Variants in SECISBP2 observed in about 807,000 individuals in gnomAD.
The protein encoded by SECISBP2 is selenocysteine insertion sequence-binding protein 2.
Under a neutral mutation model 98.2 loss-of-function variants are expected in SECISBP2, and 96 were observed. The observed-to-expected ratio is 0.98, with a 90% confidence interval of 0.83 to 1.16. SECISBP2 has a LOEUF of 1.16. Ranked by LOEUF, SECISBP2 falls within the 50% of genes most tolerant of loss-of-function variation. The pLI is 0.00. For missense variants in SECISBP2, 1,046 were observed against 1,022.9 expected (o/e 1.02, Z -0.31); for synonymous variants, 407 against 370.2 (o/e 1.10, Z -1.14).
intron 2 of SECISBP2, chr9:89,323,445 A>C (rs760931822): frequency 6.5e-6 from 1 of 152,830 alleles, no homozygotes; most frequent in Non-Finnish European, 1.5e-5. Flanking sequence ...AGGCGAGCAA[A>C]GTCCAGGCCA....
downstream of SECISBP2, chr9:89,364,388 C>A: frequency 3.7e-6 from 1 of 273,140 alleles, no homozygotes; most frequent in Non-Finnish European, 7.3e-6. Context: ...AGGCCCAGAG[C>A]TCGGCCAGCT....
At chr9:89,321,414 C>T (rs895757833) in intron 2 of SECISBP2, among the ~76,000 whole-genome samples, 2 of 152,198 alleles carry the variant, frequency 1.3e-5, no homozygotes, top group African/African-American at 4.8e-5. Flanking sequence ...TGCCTGTAAT[C>T]CCAGCACTTT....
chr9:89,365,118 A>G, the SECISBP2 span: 2 of 152,316 alleles, frequency 1.3e-5, no homozygotes, highest in Non-Finnish European at 2.9e-5. Context: ...TGCTTCGCAC[A>G]CTGGCTTCCA....
At chr9:89,362,370 T>C, downstream of SECISBP2, 1 of 1,614,002 alleles carries the variant, frequency 6.2e-7, no homozygotes, top group Non-Finnish European at 8.5e-7. Context: ...TTGTTGGGGT[T>C]GAGGTCGGTG....
At chr9:89,363,787 TGAG>T (rs1263490366), downstream of SECISBP2, 10 of 1,613,828 alleles carry the variant, frequency 6.2e-6, no homozygotes, top group Admixed American at 5.0e-5. Context: ...TGTTCCCTGC[TGAG>T]GAGAGGACAG....
intron 5 of SECISBP2, among the ~76,000 whole-genome samples, chr9:89,332,092 AAAATT>A (rs1461808541): frequency 3.9e-5 from 6 of 152,240 alleles, no homozygotes; most frequent in Non-Finnish European, 7.3e-5. Context: ...GCTATATTTT[AAAATT>A]AAATGATTAC....
rs749137259 is a variant in SECISBP2 at position 89,357,453 on chromosome 9, G to T, written c.2156G>T (p.Cys719Phe). ...DTLHTIIDYA[C>F]EQNIPFVFAL... ...TTGCACACAATTATTGATTATGCCT[G>T]TGAGCAGAACATTCCCTTTGTGTTT... The change falls in exon 15 of 17, where the codon TGT becomes TTT. Residue 719 changes from cysteine to phenylalanine, a missense_variant. Coordinates refer to ENST00000375807, the MANE Select transcript of SECISBP2 (RefSeq NM_024077.5). The T allele has an allele frequency of 6.2e-7, 1 of 1,614,060 alleles. No homozygotes were observed. Among genetic ancestry groups the T allele is most frequent in the Non-Finnish European group, 8.5e-7 (1 of 1,180,058 alleles).
Position 89,332,964 on chromosome 9 carries a change from C to G in SECISBP2, c.858C>G (p.Thr286=). ...AATCTGTAACTGCTAATGCCGCTACCAATTCTCCTTCATGTACAAGAGGTA... is the reference window on the plus strand; with the variant it reads ...AATCTGTAACTGCTAATGCCGCTACGAATTCTCCTTCATGTACAAGAGGTA... ...PNESVTANAA[T]NSPSCTRELS... The change falls in exon 6 of 17, where the codon ACC becomes ACG. Residue 286 remains threonine, a synonymous_variant. Transcript: ENST00000375807. 6.2e-7 allele frequency: 1 copy of G among 1,613,836 alleles called. No individual in the cohort carries two copies. Among genetic ancestry groups the G allele is most frequent in the Non-Finnish European group, 8.5e-7 (1 of 1,179,858 alleles).
chr9:89,363,640 C>T, downstream of SECISBP2: 1 of 1,589,556 alleles, frequency 6.3e-7, no homozygotes. Flanking sequence ...ACCCAGAATG[C>T]CACCGTGCAA....
At chr9:89,319,946 C>A in intron 2 of SECISBP2, 149 bp downstream of exon 2, 1 of 832,586 alleles carries the variant, frequency 1.2e-6, no homozygotes, top group Non-Finnish European at 2.0e-6. Context: ...GCCAGTAGCA[C>A]AACTTAACTG....
At chr9:89,362,107 A>G (rs1832805048), downstream of SECISBP2, 1 of 562,356 alleles carries the variant, frequency 1.8e-6, no homozygotes, top group Non-Finnish European at 3.2e-6. Context: ...ACGAGCAGCT[A>G]TCAAAGCCTG....
At chr9:89,348,427 G>A (rs887795323) in intron 12 of SECISBP2, among the ~76,000 whole-genome samples, 6 of 152,162 alleles carry the variant, frequency 3.9e-5, no homozygotes, top group Non-Finnish European at 8.8e-5. Flanking sequence ...GGTCTGTGAG[G>A]GACAGAGGTG....
downstream of SECISBP2, chr9:89,363,708 A>T: frequency 6.2e-7 from 1 of 1,602,646 alleles, no homozygotes; most frequent in Non-Finnish European, 8.5e-7. Context: ...ATTACCTCAT[A>T]AAAGGGTAAC....
At chr9:89,363,291 A>G (rs1324728124), downstream of SECISBP2, 3 of 1,300,282 alleles carry the variant, frequency 2.3e-6, no homozygotes, top group South Asian at 1.5e-5. Flanking sequence ...TGCAGATTTC[A>G]TAAAGGAAAC....
chr9:89,364,161 T>A, downstream of SECISBP2: 1 of 976,208 alleles, frequency 1.0e-6, no homozygotes, highest in Non-Finnish European at 1.5e-6. Flanking sequence ...GACTTCCTGC[T>A]CTTTGACCTT....
chr9:89,351,976 C>T (rs947161270), intron 14 of SECISBP2, among the ~76,000 whole-genome samples: 1 of 152,172 alleles, frequency 6.6e-6, no homozygotes, highest in African/African-American at 2.4e-5. Flanking sequence ...CTAGCAACTC[C>T]ACCTGTCAGC....
At chr9:89,346,373 A>G (rs1830420502) in intron 10 of SECISBP2, among the ~76,000 whole-genome samples, 1 of 152,238 alleles carries the variant, frequency 6.6e-6, no homozygotes, top group Non-Finnish European at 1.5e-5. Flanking sequence ...AACTCAAGAG[A>G]ATTAACTAGA....
chr9:89,320,282 G>T (rs1170565505), intron 2 of SECISBP2, among the ~76,000 whole-genome samples: 1 of 150,500 alleles, frequency 6.6e-6, no homozygotes, highest in Non-Finnish European at 1.5e-5. Flanking sequence ...TTTGAACCTG[G>T]GAGGCAGAGG....
At chr9:89,338,352 T>A in intron 7 of SECISBP2, 106 bp from the exon 8 acceptor site, 1 of 1,300,140 alleles carries the variant, frequency 7.7e-7, no homozygotes, top group Non-Finnish European at 1.1e-6. Context: ...AATAAAATTG[T>A]CATGTGATTA....
Sources: allele counts gnomAD v4.1 joint callset (sites outside exome capture counted in the v4.1 genomes callset), GRCh38; gene constraint gnomAD v4.1.1; transcripts MANE v1.5; gene names NCBI Gene and HGNC (gene_info 2026-07-23, HGNC 2026-07-21).